NDUFAF7: variants seen among roughly 807,000 people sequenced by gnomAD.
The protein encoded by NDUFAF7 is NADH:ubiquinone oxidoreductase complex assembly factor 7, also known as protein arginine methyltransferase NDUFAF7, mitochondrial.
NDUFAF7 carries 48 observed loss-of-function variants against 47.2 expected under a neutral mutation model. The ratio of observed to expected loss-of-function variants is 1.02; its 90% CI spans 0.81 to 1.29. The LOEUF is 1.29. Ranked by LOEUF, NDUFAF7 falls within the 50% of genes most tolerant of loss-of-function variation. The pLI is 0.00. For synonymous variants in NDUFAF7, 217 were observed against 190.0 expected (o/e 1.14, Z -1.17); for missense variants, 635 against 537.6 (o/e 1.18, Z -1.79).
At chr2:37,268,412 G>A in the NDUFAF7 span, 1 of 462,806 alleles carries the variant, frequency 2.2e-6, no homozygotes, top group African/African-American at 2.0e-5. Context: ...TGCATGCAGA[G>A]TCAACACATT....
chr2:37,268,241 G>GT, the NDUFAF7 span: 5 of 456,836 alleles, frequency 1.1e-5, no homozygotes, highest in East Asian at 1.4e-4. Flanking sequence ...TGGCACAATC[G>GT]TAAGTCTACT....
downstream of NDUFAF7, among the ~76,000 whole-genome samples, chr2:37,256,080 G>C (rs149713662): frequency 6.6e-6 from 1 of 152,148 alleles, no homozygotes; most frequent in Non-Finnish European, 1.5e-5. Flanking sequence ...CAGTGTAGAG[G>C]AGTAGTCAGG....
chr2:37,253,181 G>A (rs1455847560), downstream of NDUFAF7: 4 of 1,597,602 alleles, frequency 2.5e-6, no homozygotes, highest in Admixed American at 3.4e-5. Flanking sequence ...CAGTGATTAA[G>A]GATCTTCTTC....
rs1192538375 is a variant in NDUFAF7 at position 37,248,135 on chromosome 2, G to A, written c.1111G>A (p.Val371Ile). The A allele has an allele frequency of 3.1e-5, 50 of 1,612,026 alleles. No homozygotes were observed. Among genetic ancestry groups the A allele is most frequent in the Non-Finnish European group, 4.2e-5 (49 of 1,178,448 alleles). Residue 371 changes from valine (V) to isoleucine (I), a missense_variant and splice_region_variant, in exon 10 of 10, where the codon GTT becomes ATT. Val to Ile is a conservative substitution (Grantham distance 29). Transcript: ENST00000002125. ...TTGCTAAGAATTTTTTTCTTTTCAG[G>A]TTCTTTTAGATAAATCAAATGAGCC... The part of the protein sequence containing the change: ...KNMGIDVRLK[V>I]LLDKSNEPSV...
At chr2:37,259,205 G>A in the NDUFAF7 span, among the ~76,000 whole-genome samples, 1 of 152,160 alleles carries the variant, frequency 6.6e-6, no homozygotes, top group Non-Finnish European at 1.5e-5. Context: ...AGAAAAAGGA[G>A]GTGGCTGCCT....
chr2:37,249,551 T>C, downstream of NDUFAF7, among the ~76,000 whole-genome samples: 1 of 119,466 alleles, frequency 8.4e-6, no homozygotes, highest in South Asian at 2.8e-4. Context: ...CACTCTAGCC[T>C]GTGATAGACA....
chr2:37,264,506 AAGGT>A, the NDUFAF7 span, among the ~76,000 whole-genome samples: 1 of 112,350 alleles, frequency 8.9e-6, no homozygotes, highest in Non-Finnish European at 1.8e-5. Flanking sequence ...AAAAAGAGTT[AAGGT>A]AGGGGAGTGG....
At chr2:37,269,364 G>C in the NDUFAF7 span, 3 of 472,360 alleles carry the variant, frequency 6.4e-6, no homozygotes, top group Non-Finnish European at 1.2e-5. Context: ...ACATCTGTAT[G>C]TGTGAGCTAC....
chr2:37,234,530 G>A (rs1415521717), intron 2 of NDUFAF7, among the ~76,000 whole-genome samples: 1 of 152,132 alleles, frequency 6.6e-6, no homozygotes, highest in African/African-American at 2.4e-5. Context: ...AGGCATCACT[G>A]GGCTACCACA....
Position 37,231,668 on chromosome 2 carries a change from C to G in NDUFAF7, c.-38C>G. 6.2e-7 allele frequency: 1 copy of G among 1,614,178 alleles called. No individual in the cohort carries two copies. The highest frequency in any genetic ancestry group is 8.5e-7 in the Non-Finnish European group (1 of 1,180,004). ...CTTCTCCCGGAAATGGTCTAAGCCC[C>G]AGCTCCTGGCGGAGCGAGCTAGCCT... On this transcript the variant is annotated 5_prime_UTR_variant, in exon 1 of 10. Coordinates refer to ENST00000002125, the MANE Select transcript of NDUFAF7 (RefSeq NM_144736.5).
the NDUFAF7 span, chr2:37,268,092 T>C: frequency 1.1e-5 from 3 of 261,856 alleles, no homozygotes; most frequent in Admixed American, 5.2e-5. Context: ...ATACCTATTA[T>C]GTACTAGGTA....
chr2:37,246,070 C>T lies in NDUFAF7; in HGVS notation c.811C>T (p.His271Tyr), dbSNP rs768477841. 6.2e-7 allele frequency: 1 copy of T among 1,613,828 alleles called. No homozygotes were observed. Among genetic ancestry groups the T allele is most frequent in the South Asian group, 1.1e-5 (1 of 91,066 alleles). ...TTACTAGCATGACGAAACAAGGGAT[C>T]ATGTTGAAGTGTGTCCTGATGCTGG... ...AFIQHDETRD[H>Y]VEVCPDAGVI... The change falls in exon 8 of 10, where the codon CAT becomes TAT. Residue 271 changes from histidine (H) to tyrosine (Y), a missense_variant. Physicochemically the swap from His to Tyr is moderately conservative, Grantham distance 83 (BLOSUM62 2). Transcript: ENST00000002125.
At chr2:37,257,209 T>G (rs1668021648), downstream of NDUFAF7, among the ~76,000 whole-genome samples, 1 of 152,180 alleles carries the variant, frequency 6.6e-6, no homozygotes, top group Non-Finnish European at 1.5e-5. Flanking sequence ...GTGTTATAAG[T>G]GTTCTGATTT....
At chr2:37,269,229 A>C in the NDUFAF7 span, 17 of 211,132 alleles carry the variant, frequency 8.1e-5, no homozygotes, top group African/African-American at 1.6e-4. Context: ...TTAATAGAAC[A>C]ATCATGCCAA....
Position 37,248,106 on chromosome 2 carries a change from A to C in NDUFAF7, c.1111-29A>C, listed in dbSNP as rs754684227. The C allele has an allele frequency of 5.2e-6, 8 of 1,547,740 alleles. No individual in the cohort carries two copies. In the African/African-American group the frequency reaches 5.4e-5, roughly 11 times the overall value. The stretch of plus-strand genomic sequence containing the variant: ...TAACTAGGAATCCTGTCTTCTGGTT[A>C]TTTTTGCTAAGAATTTTTTTCTTTT... On this transcript the variant is annotated intron_variant, in intron 9 of 9. Coordinates refer to ENST00000002125, the MANE Select transcript of NDUFAF7 (RefSeq NM_144736.5).
the NDUFAF7 span, among the ~76,000 whole-genome samples, chr2:37,267,217 T>C: frequency 1.3e-5 from 2 of 152,126 alleles, no homozygotes; most frequent in Non-Finnish European, 2.9e-5. Context: ...CTGGAATGAA[T>C]TAAGAATGAA....
At chr2:37,249,775 C>CAAAG (rs1242636789), downstream of NDUFAF7, among the ~76,000 whole-genome samples, 1 of 151,848 alleles carries the variant, frequency 6.6e-6, no homozygotes, top group Non-Finnish European at 1.5e-5. Flanking sequence ...ATACTGGAAA[C>CAAAG]AAAGAGTTAG....
At chr2:37,261,922 G>A in the NDUFAF7 span, among the ~76,000 whole-genome samples, 1 of 152,050 alleles carries the variant, frequency 6.6e-6, no homozygotes, top group Non-Finnish European at 1.5e-5. Flanking sequence ...CCGTTTTTTT[G>A]AGTATTCATA....
chr2:37,247,677 C>A, intron 9 of NDUFAF7, 48 bp downstream of exon 9: 3 of 1,595,272 alleles, frequency 1.9e-6, no homozygotes, highest in Non-Finnish European at 1.7e-6. Flanking sequence ...CATAGTATTT[C>A]AAAAATTACT....
Sources: gnomAD v4.1 joint callset for allele counts (sites outside exome capture counted in the v4.1 genomes callset) on GRCh38, gnomAD v4.1.1 for gene constraint, MANE v1.5 for transcripts, NCBI Gene and HGNC (gene_info 2026-07-23, HGNC 2026-07-21) for gene names.